The following ZNF565 variants were observed in gnomAD, a reference collection of about 807,000 sequenced individuals.
ZNF565 encodes the protein zinc finger protein 565.
ZNF565 carries 27 observed loss-of-function variants against 39.4 expected under a neutral mutation model. The observed-to-expected ratio is 0.69, with a 90% CI of 0.51 to 0.95. ZNF565 has a LOEUF of 0.95. Among genes scored for constraint, ZNF565 ranks in the 40% least tolerant of loss-of-function variants. The pLI is 0.00. For synonymous variants in ZNF565, 185 were observed against 216.6 expected, an observed-to-expected ratio of 0.85 and a Z score of 1.28; for missense variants, 524 against 621.1, an observed-to-expected ratio of 0.84 and a Z score of 1.66.
At chr19:36,219,045 T>C (rs1162695130), upstream of ZNF565, among the ~76,000 whole-genome samples, 1 of 151,890 alleles carries the variant, frequency 6.6e-6, no homozygotes, top group East Asian at 1.9e-4. Context: ...CCTGACCTCG[T>C]GATCCGCCCA....
Position 36,182,558 on chromosome 19 carries a change from G to C in ZNF565, c.1408C>G (p.Pro470Ala), listed in dbSNP as rs866287543. The part of the protein sequence containing the change: ...SQLTEHQRIH[P>A]GIKPYECREC... ...CTACATTCGTAAGGTTTGATACCAG[G>C]ATGAATTCTCTGATGTTCGGTAAGT... is the stretch of plus-strand genomic sequence containing the variant. Residue 470 changes from proline (P) to alanine (A), a missense_variant, in exon 5 of 5, where the codon CCT (proline) becomes GCT (alanine). Physicochemically the swap from Pro to Ala is conservative, Grantham distance 27. Coordinates refer to ENST00000304116, the MANE Select transcript of ZNF565 (RefSeq NM_152477.5). 1 of 1,613,802 alleles carries C rather than the reference G, an allele frequency of 6.2e-7. No homozygotes were observed. The highest frequency in any genetic ancestry group is 8.5e-7 in the Non-Finnish European group (1 of 1,179,846).
chr19:36,222,778 CTT>C (rs55668684), intron 1 of ZNF565, among the ~76,000 whole-genome samples: 5,834 of 100,682 alleles, frequency 0.058, 115 homozygotes, highest in Middle Eastern at 0.12. Context: ...TGAGTGGTGG[CTT>C]TTTTTTTTTT....
At chr19:36,240,679 G>A (rs2145478869) in intron 1 of ZNF565, among the ~76,000 whole-genome samples, 1 of 152,178 alleles carries the variant, frequency 6.6e-6, no homozygotes, top group South Asian at 2.1e-4. Flanking sequence ...TACCAGCCTG[G>A]CCAACATGGC....
chr19:36,183,146 T>G lies in ZNF565; in HGVS notation c.820A>C (p.Thr274Pro). 1 of 1,614,174 alleles carries G rather than the reference T, an allele frequency of 6.2e-7. No homozygotes were observed. The highest frequency in any genetic ancestry group is 8.5e-7 in the Non-Finnish European group (1 of 1,180,040). ...TTACATACGTAGGGTTTCTCGCCTG[T>G]GTGAGTTCTTTGATGCAGAATCAGC... is the stretch of plus-strand genomic sequence containing the variant. ...SQLILHQRTH[T>P]GEKPYVCKDC... The change falls in exon 5 of 5, where the codon ACA becomes CCA. Residue 274 changes from threonine (T) to proline (P), a missense_variant. By Grantham distance (38) the Thr-to-Pro change is conservative. Coordinates refer to ENST00000304116, the MANE Select transcript of ZNF565 (RefSeq NM_152477.5).
chr19:36,198,737 T>C (rs1975853558), intron 2 of ZNF565, among the ~76,000 whole-genome samples: 1 of 152,120 alleles, frequency 6.6e-6, no homozygotes, highest in Non-Finnish European at 1.5e-5. Flanking sequence ...TAGCTGGGAT[T>C]ATAGGTGCCC....
intron 4 of ZNF565, among the ~76,000 whole-genome samples, chr19:36,190,442 G>C (rs1975488643): frequency 6.6e-6 from 1 of 152,076 alleles, no homozygotes; most frequent in East Asian, 2.0e-4. Context: ...CGGGCGTGGT[G>C]GTGGGCGCCT....
intron 1 of ZNF565, among the ~76,000 whole-genome samples, chr19:36,226,022 A>T (rs1398206624): frequency 1.3e-5 from 2 of 152,010 alleles, no homozygotes; most frequent in Non-Finnish European, 2.9e-5. Context: ...TGCCCACCTC[A>T]GCTTCCCAAA....
intron 1 of ZNF565, among the ~76,000 whole-genome samples, chr19:36,207,796 C>T (rs1212271281): frequency 2.0e-5 from 3 of 152,156 alleles, no homozygotes; most frequent in Non-Finnish European, 2.9e-5. Context: ...AGAAAGACTG[C>T]ACAATTCTCC....
chr19:36,208,835 T>C (rs1372373573), intron 1 of ZNF565, among the ~76,000 whole-genome samples: 1 of 152,148 alleles, frequency 6.6e-6, no homozygotes, highest in African/African-American at 2.4e-5. Context: ...CCAATGTTTT[T>C]ATTATTTATT....
upstream of ZNF565, among the ~76,000 whole-genome samples, chr19:36,215,677 CGA>C (rs1976572031): frequency 6.6e-6 from 1 of 151,076 alleles, no homozygotes; most frequent in Non-Finnish European, 1.5e-5. Flanking sequence ...TTTAATTAAA[CGA>C]GAGTGTTTCG....
At chr19:36,226,854 G>T (rs918207660) in intron 1 of ZNF565, among the ~76,000 whole-genome samples, 2 of 152,146 alleles carry the variant, frequency 1.3e-5, no homozygotes, top group Non-Finnish European at 2.9e-5. Flanking sequence ...GGGAGGCCAA[G>T]GCAGGTGGAT....
chr19:36,221,753 TC>T (rs1220453736), intron 1 of ZNF565, among the ~76,000 whole-genome samples: 1 of 152,022 alleles, frequency 6.6e-6, no homozygotes, highest in African/African-American at 2.4e-5. Flanking sequence ...TTTGTTTGCT[TC>T]TTGTTTATCC....
chr19:36,187,323 CTAATA>C (rs1477928077), intron 4 of ZNF565, among the ~76,000 whole-genome samples: 6 of 151,802 alleles, frequency 4.0e-5, no homozygotes, highest in Admixed American at 6.6e-5. Context: ...TAATAGCCTC[CTAATA>C]TATATATTTA....
intron 4 of ZNF565, among the ~76,000 whole-genome samples, chr19:36,191,176 A>G (rs967453998): frequency 1.3e-5 from 2 of 151,328 alleles, no homozygotes; most frequent in Non-Finnish European, 2.9e-5. Context: ...TATGGACTGC[A>G]TTTGACCCAC....
Position 36,186,786 on chromosome 19 carries a change from TA to T in ZNF565, c.233-3054del, listed in dbSNP as rs201900266. Among the ~76,000 whole-genome samples the T allele has an allele frequency of 6.7e-5, 10 of 148,600 alleles. No homozygotes were observed. In the East Asian group the frequency reaches 1.6e-3, roughly 23 times the overall value. On this transcript the variant is annotated intron_variant, in intron 4 of 4. Coordinates refer to ENST00000304116, the MANE Select transcript of ZNF565 (RefSeq NM_152477.5). Reference sequence around the variant, plus strand: ...CTGGGCAACAGAGCAAGAACTTGTTTAAAAAAAAAAGACAAGACGGCATTTG... The same window carrying T: ...CTGGGCAACAGAGCAAGAACTTGTTTAAAAAAAAAGACAAGACGGCATTTG...
At chr19:36,186,536 C>T (rs902439869) in intron 4 of ZNF565, among the ~76,000 whole-genome samples, 5 of 152,112 alleles carry the variant, frequency 3.3e-5, no homozygotes, top group Non-Finnish European at 7.3e-5. Context: ...GCCTGTAATC[C>T]CAGCACTTTA....
At chr19:36,218,090 C>G (rs1390500452), upstream of ZNF565, 1 of 69,396 alleles carries the variant, frequency 1.4e-5, no homozygotes, top group Non-Finnish European at 2.9e-5. Flanking sequence ...CAGGCATGAG[C>G]TAATTTTTTT....
chr19:36,217,073 T>TTTTG (rs1976642119), upstream of ZNF565, among the ~76,000 whole-genome samples: 1 of 138,948 alleles, frequency 7.2e-6, no homozygotes, highest in Admixed American at 7.3e-5. Context: ...TTTTTTTTTT[T>TTTTG]TTTTTTTGAG....
In ZNF565 at chr19:36,183,346, G is replaced by A. The variant is rs1156982959; in HGVS notation, c.620C>T (p.Ala207Val). The stretch of plus-strand genomic sequence containing the variant: ...TCTCTGATGCTGAACAAGGTGTGAG[G>A]CACGGCTGAAGGCCTTCCCACATTC... ...CKECGKAFSR[A>V]SHLVQHQRIH... The change falls in exon 5 of 5, where the codon GCC becomes GTC. Residue 207 changes from alanine (A) to valine (V), a missense_variant. Coordinates refer to ENST00000304116, the MANE Select transcript of ZNF565 (RefSeq NM_152477.5). 1 of 1,606,302 alleles carries A rather than the reference G, an allele frequency of 6.2e-7. No homozygotes were observed. The highest frequency in any genetic ancestry group is 8.5e-7 in the Non-Finnish European group (1 of 1,177,036).
Sources: gnomAD v4.1 joint callset for allele counts (sites outside exome capture counted in the v4.1 genomes callset) on GRCh38, gnomAD v4.1.1 for gene constraint, MANE v1.5 for transcripts, NCBI Gene and HGNC (gene_info 2026-07-23, HGNC 2026-07-21) for gene names.